The following DOCK1 variants were observed in gnomAD, a reference collection of about 807,000 sequenced individuals.
The protein encoded by DOCK1 is dedicator of cytokinesis protein 1.
Under a neutral mutation model 262.7 loss-of-function variants are expected in DOCK1, and 138 were observed. That is an observed-to-expected ratio of 0.53 (90% CI 0.46 to 0.61). DOCK1 has a LOEUF of 0.61. Among genes scored for constraint, DOCK1 ranks in the 20% least tolerant of loss-of-function variants. The pLI is 0.00. For synonymous variants in DOCK1, 866 were observed against 867.4 expected (o/e 1.00, Z 0.03); for missense variants, 1,908 against 2,370.7 (o/e 0.80, Z 4.05).
rs764547171 is a variant in DOCK1, at chr10:127,444,235, C to T, written c.5369C>T (p.Pro1790Leu). The change falls in exon 50 of 52, where the codon CCT becomes CTT. Residue 1790 changes from proline (P) to leucine (L), a missense_variant. Physicochemically the swap from Pro to Leu is moderately conservative, Grantham distance 98. Around this residue, in one of 9 missense-constraint regions of DOCK1, gnomAD observed 383 missense variants for 420.1 expected, o/e 0.91. Coordinates refer to ENST00000623213, the MANE Select transcript of DOCK1 (RefSeq NM_001290223.2). ...PSSPSSQQTPPPVTPRAKLSF... is the reference protein window; with the variant it reads ...PSSPSSQQTPLPVTPRAKLSF... ...TCACCGTCCTCCCAGCAAACACCCC[C>T]TCCAGTTACACCAAGGGCCAAGCTC... is the stretch of plus-strand genomic sequence containing the variant. The T allele has an allele frequency of 3.1e-6, 5 of 1,612,362 alleles. No homozygotes were observed. Among genetic ancestry groups the T allele is most frequent in the South Asian group, 2.2e-5 (2 of 90,652 alleles).
intron 27 of DOCK1, among the ~76,000 whole-genome samples, chr10:127,205,971 C>T (rs930179433): frequency 6.6e-6 from 1 of 152,072 alleles, no homozygotes; most frequent in East Asian, 1.9e-4. Context: ...TATGACTTAT[C>T]AACAAGTAAA....
chr10:127,342,088 G>GTTC (rs2063456232), intron 30 of DOCK1, among the ~76,000 whole-genome samples: 1 of 146,756 alleles, frequency 6.8e-6, no homozygotes, highest in African/African-American at 2.6e-5. Context: ...TGCTGTTGCT[G>GTTC]TTGTTGTTGC....
At chr10:127,153,778 C>G in intron 27 of DOCK1, 1 of 1,165,508 alleles carries the variant, frequency 8.6e-7, no homozygotes, top group Non-Finnish European at 1.3e-6. Flanking sequence ...GGCCCCAGAT[C>G]GTTCTTGCAT....
At chr10:127,312,510 G>T (rs376766446) in intron 29 of DOCK1, among the ~76,000 whole-genome samples, 1 of 152,218 alleles carries the variant, frequency 6.6e-6, no homozygotes, top group East Asian at 1.9e-4. Context: ...TCCAGTGAGG[G>T]CTTCACACTT....
chr10:127,214,970 C>G (rs2058141678), intron 27 of DOCK1, among the ~76,000 whole-genome samples: 1 of 152,162 alleles, frequency 6.6e-6, no homozygotes, highest in African/African-American at 2.4e-5. Flanking sequence ...GTCACCCGCT[C>G]CTTTCCGCCT....
intron 27 of DOCK1, among the ~76,000 whole-genome samples, chr10:127,173,771 G>C (rs34377617): frequency 0.21 from 32,407 of 152,146 alleles, 4,254 homozygotes; most frequent in South Asian, 0.29. Flanking sequence ...GTTGCTTTTG[G>C]ATCTGTACTG....
intron 51 of DOCK1, 70 bp downstream of exon 51, chr10:127,447,615 C>A (rs1591101891): frequency 6.4e-7 from 1 of 1,562,566 alleles, no homozygotes; most frequent in East Asian, 2.3e-5. Context: ...TCCCTCATTC[C>A]AGATACTAGC....
At chr10:127,413,843 C>A (rs1442762731) in intron 43 of DOCK1, among the ~76,000 whole-genome samples, 1 of 152,184 alleles carries the variant, frequency 6.6e-6, no homozygotes, top group Non-Finnish European at 1.5e-5. Context: ...TCAGCCAGCT[C>A]CTTCCCTTTC....
intron 29 of DOCK1, among the ~76,000 whole-genome samples, chr10:127,338,692 G>A (rs974288000): frequency 2.0e-5 from 3 of 152,026 alleles, no homozygotes; most frequent in African/African-American, 4.8e-5. Context: ...TTGAGAAAAC[G>A]ATTTAATTTG....
intron 1 of DOCK1, among the ~76,000 whole-genome samples, chr10:126,950,246 G>T (rs2036089613): frequency 6.6e-6 from 1 of 152,068 alleles, no homozygotes; most frequent in Non-Finnish European, 1.5e-5. Context: ...CCTAATTCGA[G>T]TTCGCCACAG....
intron 47 of DOCK1, among the ~76,000 whole-genome samples, chr10:127,428,089 T>A (rs561077079): frequency 6.6e-6 from 1 of 152,342 alleles, no homozygotes; most frequent in Admixed American, 6.5e-5. Context: ...TGCAACTCAT[T>A]ACAGTCAGAG....
chr10:126,958,137 TTA>T (rs1297799698), intron 1 of DOCK1, among the ~76,000 whole-genome samples: 2 of 152,162 alleles, frequency 1.3e-5, no homozygotes, highest in African/African-American at 4.8e-5. Context: ...GCGTATAGAA[TTA>T]TATAAAAGTC....
Position 127,338,991 on chromosome 10 carries a change from C to G in DOCK1, c.3045-15C>G. 6.4e-7 allele frequency: 1 copy of G among 1,565,760 alleles called. No homozygotes were observed. The highest frequency in any genetic ancestry group is 1.9e-5 in the Admixed American group (1 of 53,368). On this transcript the variant is annotated splice_polypyrimidine_tract_variant and intron_variant, in intron 29 of 51. Coordinates refer to ENST00000623213, the MANE Select transcript of DOCK1 (RefSeq NM_001290223.2). ...CGTAAGTGTGTAATTATGTAATTTT[C>G]TCTTGATCTTTCAGAGTCTTCCTGC...
intron 1 of DOCK1, among the ~76,000 whole-genome samples, chr10:126,939,009 G>A (rs914885863): frequency 3.9e-4 from 47 of 121,716 alleles, no homozygotes; most frequent in African/African-American, 8.7e-4. Context: ...GACGAACACC[G>A]GAGGGGATGA....
intron 1 of DOCK1, among the ~76,000 whole-genome samples, chr10:126,949,855 G>A (rs1007625387): frequency 6.6e-5 from 10 of 152,098 alleles, no homozygotes; most frequent in African/African-American, 2.4e-4. Context: ...CAAAGGGAGA[G>A]TGGCCAGAGA....
At chr10:127,112,387 T>C (rs575768698) in intron 25 of DOCK1, among the ~76,000 whole-genome samples, 1 of 152,348 alleles carries the variant, frequency 6.6e-6, no homozygotes, top group East Asian at 1.9e-4. Flanking sequence ...TTACTGTTTA[T>C]ATTCGATGAT....
At chr10:127,286,353 A>G (rs1023654307) in intron 29 of DOCK1, among the ~76,000 whole-genome samples, 13 of 152,190 alleles carry the variant, frequency 8.5e-5, no homozygotes, top group Non-Finnish European at 1.5e-4. Context: ...TTATTGCACC[A>G]TCTTTTAGCT....
At chr10:127,344,732 G>A (rs762821072) in intron 31 of DOCK1, 2 of 152,202 alleles carry the variant, frequency 1.3e-5, no homozygotes, top group Non-Finnish European at 2.9e-5. Context: ...TGCTCAGCCA[G>A]TAGTGGTAAT....
chr10:127,076,629 G>T (rs992425316), intron 23 of DOCK1, among the ~76,000 whole-genome samples: 13 of 152,200 alleles, frequency 8.5e-5, no homozygotes, highest in Admixed American at 3.3e-4. Context: ...AGCATATGCA[G>T]CTGCATCCCC....
Sources: allele counts gnomAD v4.1 joint callset (sites outside exome capture counted in the v4.1 genomes callset), GRCh38; gene constraint gnomAD v4.1.1; regional missense constraint gnomAD v4.1.1; transcripts MANE v1.5; gene names NCBI Gene and HGNC (gene_info 2026-07-23, HGNC 2026-07-21).